Variants in EIF3H observed in about 807,000 individuals in gnomAD.
The protein encoded by EIF3H is eIF-3-gamma.
EIF3H carries 26 observed loss-of-function variants against 44.2 expected under a neutral mutation model. The observed-to-expected ratio is 0.59, with a 90% CI of 0.43 to 0.82. The LOEUF (loss-of-function observed/expected upper bound fraction) is 0.82. Ranked by LOEUF, EIF3H falls within the 40% of genes least tolerant of loss-of-function variation. The pLI is 0.00. For missense variants in EIF3H, 359 were observed against 432.8 expected (o/e 0.83, Z 1.51); for synonymous variants, 166 against 151.9 (o/e 1.09, Z -0.68).
intron 6 of EIF3H, among the ~76,000 whole-genome samples, chr8:116,647,082 T>C (rs1470849218): frequency 6.6e-6 from 1 of 152,088 alleles, no homozygotes; most frequent in Non-Finnish European, 1.5e-5. Flanking sequence ...TACGGCTTTT[T>C]TTCTTTTCTT....
intron 1 of EIF3H, among the ~76,000 whole-genome samples, chr8:116,732,221 T>A (rs1008474627): frequency 1.3e-4 from 19 of 146,908 alleles, no homozygotes; most frequent in African/African-American, 4.5e-4. Context: ...TGTCTGGCTT[T>A]AAAAAAAAAA....
In EIF3H at chr8:116,728,088, T is replaced by C. The variant is rs1288798005; in HGVS notation, c.133-1916A>G. 5.3e-5 allele frequency among the ~76,000 whole-genome samples: 8 copies of C among 152,306 alleles called. No homozygotes were observed. In the South Asian group the frequency reaches 1.4e-3, roughly 28 times the overall value. On this transcript the variant is annotated intron_variant, in intron 1 of 7. Coordinates refer to ENST00000521861, the MANE Select transcript of EIF3H (RefSeq NM_003756.3). ...AGATTTTCAGTATATATGTTAAGAA[T>C]TGTGTACAAATTGAAATGTCTGTGT... is the stretch of plus-strand genomic sequence containing the variant.
At chr8:116,659,742 C>T (rs1459763935) in intron 2 of EIF3H, among the ~76,000 whole-genome samples, 1 of 151,994 alleles carries the variant, frequency 6.6e-6, no homozygotes, top group Non-Finnish European at 1.5e-5. Context: ...TATATTAAAG[C>T]AGTATTACCA....
chr8:116,708,630 A>G (rs998341580), intron 2 of EIF3H, among the ~76,000 whole-genome samples: 1 of 152,116 alleles, frequency 6.6e-6, no homozygotes, highest in African/African-American at 2.4e-5. Flanking sequence ...ACTATGGGTA[A>G]AGTAGTTAAA....
At chr8:116,651,192 C>T (rs1019306801) in intron 5 of EIF3H, among the ~76,000 whole-genome samples, 7 of 152,154 alleles carry the variant, frequency 4.6e-5, no homozygotes, top group South Asian at 2.1e-4. Context: ...AATAATCTAT[C>T]GTGATATTAC....
chr8:116,697,412 C>T (rs1325444795), intron 2 of EIF3H, among the ~76,000 whole-genome samples: 1 of 152,198 alleles, frequency 6.6e-6, no homozygotes, highest in Non-Finnish European at 1.5e-5. Context: ...TGCTTGCTTT[C>T]CTCCACTGTT....
chr8:116,753,593 G>A (rs2130995730), intron 1 of EIF3H, among the ~76,000 whole-genome samples: 1 of 152,296 alleles, frequency 6.6e-6, no homozygotes, highest in African/African-American at 2.4e-5. Flanking sequence ...TGAGAGAGCT[G>A]ATAAAAAATA....
chr8:116,751,857 T>A (rs1030265793), intron 1 of EIF3H, among the ~76,000 whole-genome samples: 1 of 152,168 alleles, frequency 6.6e-6, no homozygotes, highest in Non-Finnish European at 1.5e-5. Context: ...ACAATTCAGA[T>A]GAGGAAAATG....
At position 116,643,192 on chromosome 8, in the gene EIF3H, T is replaced by C. The variant is rs1360994950; in HGVS notation, c.*1814A>G. 2 of 152,220 alleles carry C rather than the reference T, an allele frequency of 1.3e-5. No individual in the cohort carries two copies. Among genetic ancestry groups the C allele is most frequent in the African/African-American group, 4.8e-5 (2 of 41,464 alleles). 9.4% of individuals were successfully genotyped at this position (152,220 alleles called of 1,614,324 possible). A position where few individuals can be genotyped will look rare whatever the true frequency, so the allele number is the denominator to read the frequency against. ...AGGGGCCATGGCCAGTTTTACCTGTTAATATATCCCTTCTGTCTAACACAG... is the reference window on the plus strand; with the variant it reads ...AGGGGCCATGGCCAGTTTTACCTGTCAATATATCCCTTCTGTCTAACACAG... On this transcript the variant is annotated 3_prime_UTR_variant, in exon 8 of 8. Coordinates refer to ENST00000521861, the MANE Select transcript of EIF3H (RefSeq NM_003756.3).
chr8:116,697,997 G>A (rs548053296), intron 2 of EIF3H, among the ~76,000 whole-genome samples: 4 of 152,318 alleles, frequency 2.6e-5, no homozygotes, highest in African/African-American at 7.2e-5. Flanking sequence ...TGTATTCTAT[G>A]CATTCCTTCT....
intron 2 of EIF3H, among the ~76,000 whole-genome samples, chr8:116,717,528 A>G (rs1446002012): frequency 1.3e-5 from 2 of 152,204 alleles, no homozygotes; most frequent in African/African-American, 4.8e-5. Flanking sequence ...CCAAAACAGT[A>G]TGGTACTGGT....
At chr8:116,700,910 T>G (rs573057906) in intron 2 of EIF3H, among the ~76,000 whole-genome samples, 7 of 152,334 alleles carry the variant, frequency 4.6e-5, no homozygotes, top group African/African-American at 1.7e-4. Context: ...CTTCTAAATA[T>G]AGGGTATACT....
chr8:116,657,443 A>G (rs1002684397), intron 3 of EIF3H, 129 bp from the exon 4 acceptor site: 8 of 684,678 alleles, frequency 1.2e-5, no homozygotes, highest in Middle Eastern at 3.5e-4. Context: ...ATAAACAACC[A>G]GAACACAACT....
chr8:116,707,365 A>G (rs942340792), intron 2 of EIF3H, among the ~76,000 whole-genome samples: 1 of 152,216 alleles, frequency 6.6e-6, no homozygotes, highest in African/African-American at 2.4e-5. Context: ...TGATATTGTT[A>G]TAAGTACAGG....
intron 3 of EIF3H, chr8:116,658,379 A>G (rs1813527891): frequency 6.5e-6 from 1 of 153,434 alleles, no homozygotes; most frequent in Admixed American, 6.5e-5. Flanking sequence ...AAATAGGCCG[A>G]AAAGAAAAAA....
intron 3 of EIF3H, 58 bp from the exon 4 acceptor site, chr8:116,657,372 G>A: frequency 7.6e-7 from 1 of 1,319,640 alleles, no homozygotes; most frequent in Admixed American, 1.7e-5. Flanking sequence ...AGGCTTGAAT[G>A]GCATTGGTTC....
chr8:116,673,879 G>A (rs1303895671), intron 2 of EIF3H, among the ~76,000 whole-genome samples: 1 of 151,936 alleles, frequency 6.6e-6, no homozygotes, highest in African/African-American at 2.4e-5. Context: ...GACCATCCTG[G>A]CTAACATGGT....
Position 116,689,058 on chromosome 8 carries a change from G to A in EIF3H, c.290-30078C>T, listed in dbSNP as rs150338639. The A allele has an allele frequency of 6.5e-4, 283 of 437,366 alleles. 1 individual carries two copies. The highest frequency in any genetic ancestry group is 4.9e-3 in the African/African-American group (242 of 49,384). The allele number at this position is 437,366 out of a possible 1,614,324, so 27.1% of individuals were successfully genotyped here. On this transcript the variant is annotated intron_variant, in intron 2 of 7. Transcript: ENST00000521861. ...AAATGTTCAGATGAATAACAAAAAC[G>A]TATTACTTACATACATTTAATGGAA...
At chr8:116,693,834 C>T (rs1216160537) in intron 2 of EIF3H, among the ~76,000 whole-genome samples, 1 of 152,116 alleles carries the variant, frequency 6.6e-6, no homozygotes, top group Non-Finnish European at 1.5e-5. Context: ...TGCACCACCA[C>T]GTGGCTATTT....
Sources: gnomAD v4.1 joint callset for allele counts (sites outside exome capture counted in the v4.1 genomes callset) on GRCh38, gnomAD v4.1.1 for gene constraint, MANE v1.5 for transcripts, NCBI Gene and HGNC (gene_info 2026-07-23, HGNC 2026-07-21) for gene names.